Variants in CHST8 observed in about 807,000 individuals in gnomAD.
CHST8 encodes carbohydrate sulfotransferase 8, also known as GALNAC-4-ST1.
A neutral mutation model predicts 15.0 loss-of-function variants in CHST8; 10 were observed. The ratio of observed to expected loss-of-function variants is 0.67; its 90% CI spans 0.41 to 1.13. The LOEUF is 1.13. CHST8 is among the 50% of genes most tolerant of loss of function. The pLI, the probability that CHST8 is intolerant of heterozygous loss-of-function variation, is 0.00. For missense variants in CHST8, 634 were observed against 608.2 expected (o/e 1.04, Z -0.45); for synonymous variants, 259 against 256.6 (o/e 1.01, Z -0.09).
At chr19:33,757,395 A>G (rs1240387420) in intron 3 of CHST8, among the ~76,000 whole-genome samples, 5 of 4,994 alleles carry the variant, frequency 1.0e-3, no homozygotes, top group Non-Finnish European at 2.4e-3. Flanking sequence ...AAGAAGAAAG[A>G]AAGAAAGAAA....
chr19:33,622,312 C>T lies in CHST8; in HGVS notation c.-164+16C>T, dbSNP rs1039120153. ...GCTGCGCCAGGTAAGTGGCTGCGCCCCTGCCCCACCCCTGTTCCCGCCCTG... is the reference window on the plus strand; with the variant it reads ...GCTGCGCCAGGTAAGTGGCTGCGCCTCTGCCCCACCCCTGTTCCCGCCCTG... On this transcript the variant is annotated intron_variant, in intron 1 of 4. Coordinates refer to ENST00000650847, the MANE Select transcript of CHST8 (RefSeq NM_001127895.2). The T allele has an allele frequency of 6.6e-6, 1 of 152,224 alleles. No homozygotes were observed. Among genetic ancestry groups the T allele is most frequent in the Non-Finnish European group, 1.5e-5 (1 of 68,100 alleles). 9.4% of individuals were successfully genotyped at this position (152,224 alleles called of 1,614,324 possible). A position where few individuals can be genotyped will look rare whatever the true frequency, so the allele number is the denominator to read the frequency against.
Position 33,739,580 on chromosome 19 carries a change from C to T in CHST8, c.131-31833C>T, listed in dbSNP as rs150738283. 2.6e-5 allele frequency among the ~76,000 whole-genome samples: 4 copies of T among 152,274 alleles called. No homozygotes were observed. The East Asian group carries it at 5.8e-4, about 22-fold the overall frequency. Reference sequence around the variant, plus strand: ...TTGCTTCAAATCACAGTGTGCGACTCGAGTGGTTGATATCTCACTGATATT... The same window carrying T: ...TTGCTTCAAATCACAGTGTGCGACTTGAGTGGTTGATATCTCACTGATATT... On this transcript the variant is annotated intron_variant, in intron 3 of 4. Transcript: ENST00000650847.
intron 3 of CHST8, among the ~76,000 whole-genome samples, chr19:33,723,786 T>C (rs1313665673): frequency 2.0e-5 from 3 of 152,218 alleles, no homozygotes; most frequent in African/African-American, 4.8e-5. Flanking sequence ...CAGTCCCAGA[T>C]AGCCTTTTGC....
intron 3 of CHST8, among the ~76,000 whole-genome samples, chr19:33,714,512 G>T (rs1377634641): frequency 6.6e-6 from 1 of 151,966 alleles, no homozygotes; most frequent in Non-Finnish European, 1.5e-5. Flanking sequence ...GATAAGAGGG[G>T]CACGGGGGAG....
chr19:33,691,560 G>A (rs1973099479), intron 3 of CHST8, among the ~76,000 whole-genome samples: 1 of 149,384 alleles, frequency 6.7e-6, no homozygotes, highest in Non-Finnish European at 1.5e-5. Context: ...TACCAAGAAA[G>A]CAATATCAAA....
At chr19:33,703,610 G>T (rs1327235701) in intron 3 of CHST8, among the ~76,000 whole-genome samples, 3 of 152,186 alleles carry the variant, frequency 2.0e-5, no homozygotes, top group South Asian at 2.1e-4. Context: ...CTGCCGGTGG[G>T]GTTATCCCGC....
intron 3 of CHST8, among the ~76,000 whole-genome samples, chr19:33,711,448 G>A (rs562352968): frequency 2.1e-4 from 32 of 152,282 alleles, no homozygotes; most frequent in Non-Finnish European, 3.7e-4. Context: ...GTGGCCTGGT[G>A]TAATTATTAT....
intron 1 of CHST8, among the ~76,000 whole-genome samples, chr19:33,665,331 C>A (rs1269963613): frequency 6.6e-6 from 1 of 152,152 alleles, no homozygotes; most frequent in African/African-American, 2.4e-5. Context: ...TCGTAAACGA[C>A]CATGGAGTAA....
At chr19:33,662,627 G>A (rs1972602250) in intron 1 of CHST8, among the ~76,000 whole-genome samples, 1 of 152,172 alleles carries the variant, frequency 6.6e-6, no homozygotes, top group Non-Finnish European at 1.5e-5. Flanking sequence ...AGTGCTCAGT[G>A]AGGGTTCCTG....
chr19:33,724,879 G>C (rs1973864829), intron 3 of CHST8, among the ~76,000 whole-genome samples: 1 of 152,180 alleles, frequency 6.6e-6, no homozygotes, highest in Non-Finnish European at 1.5e-5. Flanking sequence ...CAGAGTGGGG[G>C]GCCACACCTC....
intron 1 of CHST8, among the ~76,000 whole-genome samples, chr19:33,642,364 C>CT (rs67556358): frequency 1.5e-4 from 23 of 150,322 alleles, no homozygotes; most frequent in Admixed American, 6.6e-4. Context: ...CTTCATAAGT[C>CT]TTTTTTTTTT....
intron 1 of CHST8, among the ~76,000 whole-genome samples, chr19:33,623,626 T>C (rs1972014890): frequency 6.6e-6 from 1 of 152,156 alleles, no homozygotes; most frequent in African/African-American, 2.4e-5. Context: ...CCTTGACCCT[T>C]GCCTACCTGT....
chr19:33,656,650 C>T (rs1972513395), intron 1 of CHST8, among the ~76,000 whole-genome samples: 1 of 152,208 alleles, frequency 6.6e-6, no homozygotes, highest in African/African-American at 2.4e-5. Context: ...ATCCTCCCAC[C>T]TCAGCCTCCC....
chr19:33,677,734 G>A (rs1467277036), intron 2 of CHST8, among the ~76,000 whole-genome samples: 1 of 152,210 alleles, frequency 6.6e-6, no homozygotes, highest in Non-Finnish European at 1.5e-5. Flanking sequence ...TGTCTCCTCT[G>A]TGTTACTCTC....
At chr19:33,634,015 T>TC (rs1461664564) in intron 1 of CHST8, among the ~76,000 whole-genome samples, 8 of 151,830 alleles carry the variant, frequency 5.3e-5, no homozygotes, top group Non-Finnish European at 1.0e-4. Flanking sequence ...AGACAGGGTT[T>TC]CCCCATGTTG....
At chr19:33,697,446 G>T (rs1294816946) in intron 3 of CHST8, among the ~76,000 whole-genome samples, 2 of 151,886 alleles carry the variant, frequency 1.3e-5, no homozygotes, top group African/African-American at 2.4e-5. Context: ...TGCCCAGGCT[G>T]GTCTCGAACT....
intron 3 of CHST8, among the ~76,000 whole-genome samples, chr19:33,765,513 TTGTGTG>T (rs61673440): frequency 0.01 from 1,321 of 131,668 alleles, 27 homozygotes; most frequent in African/African-American, 0.034. Context: ...ATGCCAGTCT[TTGTGTG>T]TGTGTGTGTG....
chr19:33,746,069 C>T (rs1376687272), intron 3 of CHST8, among the ~76,000 whole-genome samples: 3 of 152,212 alleles, frequency 2.0e-5, no homozygotes, highest in Non-Finnish European at 4.4e-5. Context: ...GAACTCACAG[C>T]AGTCTTTAGT....
At chr19:33,754,469 G>A (rs190705553) in intron 3 of CHST8, among the ~76,000 whole-genome samples, 13 of 152,220 alleles carry the variant, frequency 8.5e-5, no homozygotes, top group Non-Finnish European at 1.5e-4. Context: ...GGACCTTGCC[G>A]TGCATCTTAA....
Sources: gnomAD v4.1 joint callset for allele counts (sites outside exome capture counted in the v4.1 genomes callset) on GRCh38, gnomAD v4.1.1 for gene constraint, MANE v1.5 for transcripts, NCBI Gene and HGNC (gene_info 2026-07-23, HGNC 2026-07-21) for gene names.